The following NRXN1 variants were observed in gnomAD, a reference collection of about 807,000 sequenced individuals.
The protein encoded by NRXN1 is neurexin-1.
A neutral mutation model predicts 150.9 loss-of-function variants in NRXN1; 39 were observed. That is an observed-to-expected ratio of 0.26 (90% CI 0.20 to 0.34). NRXN1 has a LOEUF of 0.34. Among genes scored for constraint, NRXN1 ranks in the 10% least tolerant of loss-of-function variants. The pLI, the probability that NRXN1 is intolerant of heterozygous loss-of-function variation, is 1.00. For synonymous variants in NRXN1, 924 were observed against 757.0 expected (o/e 1.22, Z -3.62); for missense variants, 1,815 against 1,949.9 (o/e 0.93, Z 1.30).
intron 5 of NRXN1, among the ~76,000 whole-genome samples, chr2:50,906,823 C>T (rs1401527607): frequency 6.6e-6 from 1 of 152,002 alleles, no homozygotes; most frequent in East Asian, 1.9e-4. Context: ...ATCTCCAGAA[C>T]CTGTGAATAG....
chr2:50,542,288 A>T (rs2105285481), intron 9 of NRXN1, among the ~76,000 whole-genome samples: 1 of 151,062 alleles, frequency 6.6e-6, no homozygotes, highest in East Asian at 1.9e-4. Flanking sequence ...TCAGAAAGAA[A>T]GAAAGAGAGA....
At chr2:50,651,942 G>C (rs1192710707) in intron 5 of NRXN1, among the ~76,000 whole-genome samples, 9 of 152,120 alleles carry the variant, frequency 5.9e-5, no homozygotes, top group African/African-American at 1.9e-4. Context: ...AAATGAGCAG[G>C]TTATTGTAGG....
intron 18 of NRXN1, among the ~76,000 whole-genome samples, chr2:50,179,458 C>T (rs1387145398): frequency 6.6e-6 from 1 of 152,092 alleles, no homozygotes; most frequent in Non-Finnish European, 1.5e-5. Context: ...ATGAATATCA[C>T]ATGCAAACAA....
chr2:50,084,602 C>T (rs532537451), intron 19 of NRXN1, among the ~76,000 whole-genome samples: 2 of 152,192 alleles, frequency 1.3e-5, no homozygotes, highest in African/African-American at 4.8e-5. Flanking sequence ...TCCACACCCC[C>T]CGCAGGCTGA....
intron 17 of NRXN1, among the ~76,000 whole-genome samples, chr2:50,252,220 A>AATAC (rs1277739405): frequency 6.9e-6 from 1 of 144,446 alleles, no homozygotes; most frequent in Non-Finnish European, 1.5e-5. Flanking sequence ...TTATATTTTA[A>AATAC]ATACATTTTG....
rs548489318 is a variant in NRXN1, at chr2:50,121,001, T to A, written c.3547-29507A>T. On this transcript the variant is annotated intron_variant, in intron 18 of 22. Coordinates refer to ENST00000401669, the MANE Select transcript of NRXN1 (RefSeq NM_001330078.2). The stretch of plus-strand genomic sequence containing the variant: ...ACTTACAATATGCCAGACAATGTTT[T>A]AAGCACTTTAGTTATCTCGTCTGTT... 3.3e-5 allele frequency among the ~76,000 whole-genome samples: 5 copies of A among 152,336 alleles called. 1 individual carries two copies. In the East Asian group the frequency reaches 9.6e-4, roughly 29 times the overall value.
intron 2 of NRXN1, among the ~76,000 whole-genome samples, chr2:50,981,457 CAAAAAAAAAAA>C (rs70958635): frequency 3.9e-4 from 9 of 23,270 alleles, no homozygotes; most frequent in South Asian, 3.0e-3. Context: ...AACTCTATCT[CAAAAAAAAAAA>C]AAAAAAAAAA....
chr2:50,692,033 G>A (rs995473165), intron 5 of NRXN1, among the ~76,000 whole-genome samples: 5 of 152,052 alleles, frequency 3.3e-5, no homozygotes. Context: ...ACGTCTGTGT[G>A]TGAAAACAAA....
At chr2:50,209,890 T>C (rs1330886588) in intron 18 of NRXN1, among the ~76,000 whole-genome samples, 11 of 151,954 alleles carry the variant, frequency 7.2e-5, no homozygotes, top group African/African-American at 2.7e-4. Context: ...ACTGTATATA[T>C]TTATTAATGA....
chr2:50,778,659 A>C (rs1031831385), intron 5 of NRXN1, among the ~76,000 whole-genome samples: 1 of 152,168 alleles, frequency 6.6e-6, no homozygotes, highest in African/African-American at 2.4e-5. Flanking sequence ...AATATCAATG[A>C]AGACAGAAAC....
chr2:50,767,725 G>A (rs1337865978), intron 5 of NRXN1, among the ~76,000 whole-genome samples: 1 of 151,968 alleles, frequency 6.6e-6, no homozygotes, highest in South Asian at 2.1e-4. Context: ...TCCACATGTT[G>A]AGTTTGTTCA....
chr2:50,181,661 T>C (rs1463962498), intron 18 of NRXN1, among the ~76,000 whole-genome samples: 1 of 152,118 alleles, frequency 6.6e-6, no homozygotes, highest in Non-Finnish European at 1.5e-5. Flanking sequence ...CACAAATAAA[T>C]ATGCTCTGAC....
chr2:50,316,854 G>T (rs2075650196), intron 17 of NRXN1, among the ~76,000 whole-genome samples: 1 of 151,888 alleles, frequency 6.6e-6, no homozygotes, highest in Admixed American at 6.6e-5. Flanking sequence ...AAAACCTAAG[G>T]TGAACTGAAA....
At chr2:50,058,500 A>G (rs1363043) in intron 19 of NRXN1, among the ~76,000 whole-genome samples, 104,455 of 152,054 alleles carry the variant, frequency 0.69, 36,737 homozygotes, top group African/African-American at 0.83. Context: ...TTCAATATAT[A>G]CCTACTTTAT....
chr2:50,020,060 A>AGGTTTATC (rs1408665912), intron 21 of NRXN1, among the ~76,000 whole-genome samples: 1 of 151,132 alleles, frequency 6.6e-6, no homozygotes, highest in Non-Finnish European at 1.5e-5. Flanking sequence ...ATTGAAGCTC[A>AGGTTTATC]GGTTTATCTT....
chr2:50,274,005 A>G (rs994539554), intron 17 of NRXN1, among the ~76,000 whole-genome samples: 2 of 152,138 alleles, frequency 1.3e-5, no homozygotes, highest in African/African-American at 4.8e-5. Flanking sequence ...ATACCATTTG[A>G]CCCAGCAATC....
chr2:50,287,054 A>G (rs555114184), intron 17 of NRXN1, among the ~76,000 whole-genome samples: 20 of 152,204 alleles, frequency 1.3e-4, no homozygotes, highest in Non-Finnish European at 2.4e-4. Flanking sequence ...CATCATGATC[A>G]TCAATAAGTA....
chr2:50,532,080 G>C (rs1207056118), intron 10 of NRXN1, among the ~76,000 whole-genome samples: 8 of 151,976 alleles, frequency 5.3e-5, no homozygotes, highest in Admixed American at 5.2e-4. Flanking sequence ...CAAACTCCTG[G>C]ACTCCAGTGA....
chr2:49,949,490 A>C (rs1332647052), intron 21 of NRXN1, among the ~76,000 whole-genome samples: 2 of 151,980 alleles, frequency 1.3e-5, no homozygotes, highest in Non-Finnish European at 2.9e-5. Context: ...AGCTTTCCTG[A>C]AGACTAATAT....
Sources: gnomAD v4.1 joint callset for allele counts (sites outside exome capture counted in the v4.1 genomes callset) on GRCh38, gnomAD v4.1.1 for gene constraint, MANE v1.5 for transcripts, NCBI Gene and HGNC (gene_info 2026-07-23, HGNC 2026-07-21) for gene names.